SLC25A13: variants seen among roughly 807,000 people sequenced by gnomAD.
SLC25A13 encodes electrogenic aspartate/glutamate antiporter SLC25A13, mitochondrial.
A neutral mutation model predicts 85.5 loss-of-function variants in SLC25A13; 70 were observed. That is an observed-to-expected ratio of 0.82 (90% CI 0.68 to 1.00). The LOEUF is 1.00. Among genes scored for constraint, SLC25A13 ranks in the 50% least tolerant of loss-of-function variants. SLC25A13 has a pLI of 0.00. For missense variants in SLC25A13, 765 were observed against 819.8 expected (o/e 0.93, Z 0.82); for synonymous variants, 259 against 288.7 (o/e 0.90, Z 1.04).
At chr7:96,210,564 G>C (rs960159341) in intron 4 of SLC25A13, among the ~76,000 whole-genome samples, 1 of 152,194 alleles carries the variant, frequency 6.6e-6, no homozygotes, top group Non-Finnish European at 1.5e-5. Context: ...TCTAATGGCT[G>C]TAAGTCCCTT....
rs59749381 is a variant in SLC25A13, at chr7:96,139,945, CTTTTTTTTTTTTT to C, written c.1452+6598_1452+6610del. ...CTCCTTCAGATATCTGATTTCCATT[CTTTTTTTTTTTTT>C]TTTTTTTTTTTTTTTTTTGAGACGG... is the stretch of plus-strand genomic sequence containing the variant. On this transcript the variant is annotated intron_variant, in intron 14 of 17. Transcript: ENST00000265631. 8.7e-3 allele frequency among the ~76,000 whole-genome samples: 749 copies of C among 86,358 alleles called. 2 individuals are homozygous for C. Among genetic ancestry groups the C allele is most frequent in the Middle Eastern group, 0.026 (3 of 114 alleles). The allele number at this position is 86,358 out of a possible 152,430, so 56.7% of individuals were successfully genotyped here. A position where few individuals can be genotyped will look rare whatever the true frequency, so the allele number is the denominator to read the frequency against.
chr7:96,219,864 G>C (rs1313434350), intron 4 of SLC25A13: 1 of 413,696 alleles, frequency 2.4e-6, no homozygotes, highest in Non-Finnish European at 4.9e-6. Context: ...ATGGCTCAAG[G>C]CTGGCAGATA....
At chr7:96,251,497 C>T (rs998437286) in intron 3 of SLC25A13, among the ~76,000 whole-genome samples, 12 of 152,140 alleles carry the variant, frequency 7.9e-5, no homozygotes, top group African/African-American at 1.7e-4. Context: ...GTCATGCCTG[C>T]GTCTGGTTAT....
At chr7:96,123,958 G>A (rs1249554951) in intron 15 of SLC25A13, among the ~76,000 whole-genome samples, 1 of 152,210 alleles carries the variant, frequency 6.6e-6, no homozygotes, top group African/African-American at 2.4e-5. Context: ...AGGGGAGCAA[G>A]AGGAGACTGG....
At position 96,122,973 on chromosome 7, in the gene SLC25A13, C is replaced by T. The variant is rs542107232; in HGVS notation, c.1592-976G>A. ...ATTCTGTAAGAATTTCTGTCCAAACCAACATGGTCTGGCTCACAACTACAT... is the reference window on the plus strand; with the variant it reads ...ATTCTGTAAGAATTTCTGTCCAAACTAACATGGTCTGGCTCACAACTACAT... On this transcript the variant is annotated intron_variant, in intron 15 of 17. Coordinates refer to ENST00000265631, the MANE Select transcript of SLC25A13 (RefSeq NM_014251.3). 4.6e-5 allele frequency among the ~76,000 whole-genome samples: 7 copies of T among 152,162 alleles called. No homozygotes were observed. In the East Asian group the frequency reaches 1.2e-3, roughly 25 times the overall value.
At chr7:96,224,009 A>C (rs1796235936) in intron 4 of SLC25A13, among the ~76,000 whole-genome samples, 1 of 152,140 alleles carries the variant, frequency 6.6e-6, no homozygotes, top group Non-Finnish European at 1.5e-5. Flanking sequence ...ACTCTTTCTT[A>C]AAACCCACAA....
At chr7:96,317,536 C>A (rs915325844) in intron 1 of SLC25A13, among the ~76,000 whole-genome samples, 4 of 151,890 alleles carry the variant, frequency 2.6e-5, no homozygotes, top group African/African-American at 9.7e-5. Flanking sequence ...CACCTCCCAG[C>A]CCTTCATTTG....
chr7:96,158,093 C>A (rs900823384), intron 13 of SLC25A13, among the ~76,000 whole-genome samples: 2 of 152,138 alleles, frequency 1.3e-5, no homozygotes, highest in African/African-American at 4.8e-5. Flanking sequence ...TTCAGGAGCT[C>A]CAGTTCATAT....
intron 1 of SLC25A13, among the ~76,000 whole-genome samples, chr7:96,298,493 A>AACTCAC: frequency 6.6e-6 from 1 of 151,766 alleles, no homozygotes; most frequent in African/African-American, 2.4e-5. Context: ...GAGTGCAATG[A>AACTCAC]TGCAGTCTTA....
At chr7:96,130,672 C>T (rs1440436333) in intron 15 of SLC25A13, among the ~76,000 whole-genome samples, 1 of 152,140 alleles carries the variant, frequency 6.6e-6, no homozygotes, top group East Asian at 1.9e-4. Context: ...ATGAGTCAAG[C>T]TGGAATTAAA....
At chr7:96,176,614 A>G (rs888792677) in intron 11 of SLC25A13, among the ~76,000 whole-genome samples, 1 of 152,190 alleles carries the variant, frequency 6.6e-6, no homozygotes, top group African/African-American at 2.4e-5. Context: ...GCGCAAACCA[A>G]GGAGCTGAAG....
chr7:96,189,413 AC>A, intron 8 of SLC25A13, 35 bp from the exon 9 acceptor site: 1 of 1,582,360 alleles, frequency 6.3e-7, no homozygotes, highest in Non-Finnish European at 8.7e-7. Flanking sequence ...CAACAAATAT[AC>A]CAATTTATTA....
chr7:96,275,072 G>C (rs1322374905), intron 3 of SLC25A13, among the ~76,000 whole-genome samples: 1 of 152,142 alleles, frequency 6.6e-6, no homozygotes, highest in Non-Finnish European at 1.5e-5. Context: ...TGATGGGGAT[G>C]GCATTGAATC....
intron 4 of SLC25A13, among the ~76,000 whole-genome samples, chr7:96,226,268 A>C (rs924781815): frequency 6.6e-6 from 1 of 152,140 alleles, no homozygotes; most frequent in Non-Finnish European, 1.5e-5. Flanking sequence ...AGAATCATGT[A>C]ATATTTGTCT....
intron 4 of SLC25A13, among the ~76,000 whole-genome samples, chr7:96,215,032 T>G (rs1795836290): frequency 6.6e-6 from 1 of 152,198 alleles, no homozygotes; most frequent in African/African-American, 2.4e-5. Flanking sequence ...TTGGCTTGTT[T>G]GCAAAAATTG....
At chr7:96,179,412 C>G (rs1251168195) in intron 11 of SLC25A13, among the ~76,000 whole-genome samples, 3 of 152,160 alleles carry the variant, frequency 2.0e-5, no homozygotes, top group Non-Finnish European at 2.9e-5. Context: ...TCATATTTTT[C>G]CAATTTTCTA....
intron 2 of SLC25A13, among the ~76,000 whole-genome samples, chr7:96,287,258 T>C (rs1304876224): frequency 3.9e-5 from 6 of 152,140 alleles, no homozygotes; most frequent in Non-Finnish European, 8.8e-5. Flanking sequence ...CCTGGTGAGA[T>C]CACCAGAACT....
At chr7:96,145,736 G>C (rs944767063) in intron 14 of SLC25A13, among the ~76,000 whole-genome samples, 2 of 152,160 alleles carry the variant, frequency 1.3e-5, no homozygotes, top group African/African-American at 4.8e-5. Context: ...GTTAAATGGA[G>C]CTCAAGATGC....
intron 3 of SLC25A13, among the ~76,000 whole-genome samples, chr7:96,237,175 G>A (rs548567478): frequency 6.6e-6 from 1 of 152,282 alleles, no homozygotes; most frequent in Non-Finnish European, 1.5e-5. Flanking sequence ...TCAAACTTGA[G>A]TGTGACTCCT....
Sources: allele counts gnomAD v4.1 joint callset (sites outside exome capture counted in the v4.1 genomes callset), GRCh38; gene constraint gnomAD v4.1.1; transcripts MANE v1.5; gene names NCBI Gene and HGNC (gene_info 2026-07-23, HGNC 2026-07-21).